The following HSP90B1 variants were observed in gnomAD, a reference collection of about 807,000 sequenced individuals.
The protein encoded by HSP90B1 is heat shock protein 90 beta family member 1.
HSP90B1 carries 27 observed loss-of-function variants against 100.4 expected under a neutral mutation model. That is an observed-to-expected ratio of 0.27 (90% confidence interval 0.20 to 0.37). The LOEUF is 0.37. Among genes scored for constraint, HSP90B1 ranks in the 10% least tolerant of loss-of-function variants. The pLI is 1.00. For synonymous variants in HSP90B1, 304 were observed against 330.8 expected (o/e 0.92, Z 0.88); for missense variants, 678 against 960.5 (o/e 0.71, Z 3.89).
In HSP90B1 at chr12:103,947,620, T is replaced by A. The variant is rs1165695; in HGVS notation, c.2383-13T>A. 0.33 allele frequency: 523,169 copies of A among 1,568,270 alleles called. 92,578 individuals are homozygous for A. The highest frequency in any genetic ancestry group is 0.6 in the African/African-American group (43,449 of 72,534). On this transcript the variant is annotated splice_polypyrimidine_tract_variant and intron_variant, in intron 17 of 17. Transcript: ENST00000299767. Reference sequence around the variant, plus strand: ...CTTTTAATACCTTCTGGGTTTTTTTTATTTATTTACAGGAATCTACAGCTG... The same window carrying A: ...CTTTTAATACCTTCTGGGTTTTTTTAATTTATTTACAGGAATCTACAGCTG...
intron 2 of HSP90B1, chr12:103,931,969 G>T: frequency 2.2e-6 from 1 of 450,270 alleles, no homozygotes. Flanking sequence ...TTGGCCTCTT[G>T]GGACTTATTG....
At chr12:103,931,709 A>G (rs867868686) in intron 2 of HSP90B1, 86 bp downstream of exon 2, 2 of 958,320 alleles carry the variant, frequency 2.1e-6, no homozygotes, top group South Asian at 1.4e-5. Flanking sequence ...TCTTCTCCAA[A>G]GGTCCAGATA....
rs750306832 is a variant in HSP90B1, at chr12:103,941,570, C to A, written c.1230+23C>A. On this transcript the variant is annotated intron_variant, in intron 9 of 17. Transcript: ENST00000299767. ...AAGGTGAGTTTTTAAGTAGTACATG[C>A]TGCGTTTAAAATTTGAAAGTTTAAT... is the stretch of plus-strand genomic sequence containing the variant. 1.9e-6 allele frequency: 3 copies of A among 1,613,874 alleles called. No homozygotes were observed. In the South Asian group the frequency reaches 3.3e-5, roughly 18 times the overall value.
intron 14 of HSP90B1, among the ~76,000 whole-genome samples, chr12:103,946,330 C>T (rs180754086): frequency 1.1e-4 from 17 of 152,162 alleles, no homozygotes; most frequent in Admixed American, 1.1e-3. Context: ...CTGTGGAACC[C>T]GTGTATATGA....
chr12:103,937,056 C>G (rs1253298477), intron 5 of HSP90B1, among the ~76,000 whole-genome samples: 1 of 152,148 alleles, frequency 6.6e-6, no homozygotes, highest in Non-Finnish European at 1.5e-5. Context: ...ACCTGTAATC[C>G]CCGCACTGCC....
At chr12:103,945,854 T>C (rs1566168411) in intron 14 of HSP90B1, among the ~76,000 whole-genome samples, 2 of 151,932 alleles carry the variant, frequency 1.3e-5, no homozygotes, top group Non-Finnish European at 2.9e-5. Flanking sequence ...GAGGCTGAGG[T>C]GAGAGGATCA....
chr12:103,937,130 C>T (rs1869942896), intron 5 of HSP90B1, among the ~76,000 whole-genome samples: 1 of 152,176 alleles, frequency 6.6e-6, no homozygotes, highest in African/African-American at 2.4e-5. Flanking sequence ...TGGCGATCAC[C>T]AGCCACATGT....
chr12:103,947,023 G>A, intron 16 of HSP90B1, 82 bp downstream of exon 16: 1 of 1,432,486 alleles, frequency 7.0e-7, no homozygotes, highest in East Asian at 2.3e-5. Context: ...CATGATTGAG[G>A]GATGTAGCTT....
intron 8 of HSP90B1, among the ~76,000 whole-genome samples, chr12:103,939,899 AC>A (rs1427863200): frequency 6.6e-6 from 1 of 152,214 alleles, no homozygotes. Flanking sequence ...TCCAGAACAC[AC>A]CATTTTTACT....
Position 103,931,532 on chromosome 12 carries a change from G to A in HSP90B1, c.61G>A (p.Ala21Thr), listed in dbSNP as rs747864450. 4.3e-6 allele frequency: 7 copies of A among 1,613,200 alleles called. No homozygotes were observed. Among genetic ancestry groups the A allele is most frequent in the Non-Finnish European group, 8.5e-7 (1 of 1,179,384 alleles). Residue 21 changes from alanine (A) to threonine (T), a missense_variant, in exon 2 of 18, where the codon GCT (alanine) becomes ACT (threonine). Transcript: ENST00000299767. Reference sequence around the variant, plus strand: ...TGTTAAATCTTCAGGGTCGGTCAGAGCTGACGATGAAGTTGATGTGGATGG... The same window carrying A: ...TGTTAAATCTTCAGGGTCGGTCAGAACTGACGATGAAGTTGATGTGGATGG... ...CVLLTFGSVR[A>T]DDEVDVDGTV...
chr12:103,943,587 C>G lies in HSP90B1; in HGVS notation c.1891-151C>G, dbSNP rs1234049480. 6.1e-6 allele frequency: 5 copies of G among 815,114 alleles called. No homozygotes were observed. The highest frequency in any genetic ancestry group is 9.3e-6 in the Non-Finnish European group (5 of 539,960). The allele number at this position is 815,114 out of a possible 1,614,324, so 50.5% of individuals were successfully genotyped here. ...TCAGATTATCAAGTAAGTGCCCCTA[C>G]AAATTCTCCTAAACCTTAAGAAAAG... On this transcript the variant is annotated intron_variant, in intron 13 of 17. Coordinates refer to ENST00000299767, the MANE Select transcript of HSP90B1 (RefSeq NM_003299.3). This position sits in a 1 kb window ranked among gnomAD's most constrained non-coding sequence, Gnocchi z 5.3.
In HSP90B1 at chr12:103,947,409, T is replaced by TGAA. The variant is rs5800607; in HGVS notation, c.2371_2373dup (p.Glu791dup). The TGAA allele has an allele frequency of 6.2e-7, 1 of 1,613,584 alleles. No homozygotes were observed. Among genetic ancestry groups the TGAA allele is most frequent in the Non-Finnish European group, 8.5e-7 (1 of 1,179,650 alleles). The stretch of plus-strand genomic sequence containing the variant: ...ATGAAGAAATGGATGTGGGAACAGA[T>TGAA]GAAGAAGAAGAAACAGCAAAGGTAT... On this transcript the variant is annotated inframe_insertion, in exon 17 of 18. Transcript: ENST00000299767.
chr12:103,933,995 G>A lies in HSP90B1; in HGVS notation c.451G>A (p.Gly151Ser). 1.2e-6 allele frequency: 2 copies of A among 1,614,106 alleles called. No individual in the cohort carries two copies. The highest frequency in any genetic ancestry group is 1.7e-6 in the Non-Finnish European group (2 of 1,179,958). The change falls in exon 5 of 18, where the codon GGT becomes AGT. Residue 151 changes from glycine to serine, a missense_variant. Transcript: ENST00000299767. Reference sequence around the variant, plus strand: ...GAACCTGCTGCATGTCACAGACACCGGTGTAGGAATGACCAGAGAAGAGTT... The same window carrying A: ...GAACCTGCTGCATGTCACAGACACCAGTGTAGGAATGACCAGAGAAGAGTT... ...EKNLLHVTDTGVGMTREELVK... is the reference protein window; with the variant it reads ...EKNLLHVTDTSVGMTREELVK...
intron 8 of HSP90B1, among the ~76,000 whole-genome samples, 148 bp from the exon 9 acceptor site, chr12:103,941,257 CCTTTT>C (rs1870067926): frequency 1.3e-5 from 2 of 152,122 alleles, no homozygotes; most frequent in Admixed American, 6.5e-5. Flanking sequence ...TTCCCCCCAC[CCTTTT>C]CTTTCTCTTC....
intron 2 of HSP90B1, chr12:103,932,048 G>A: frequency 2.1e-6 from 1 of 473,264 alleles, no homozygotes; most frequent in South Asian, 2.7e-5. Flanking sequence ...GGAAAGTTGG[G>A]ATTTTTTTTT....
At chr12:103,946,067 C>T (rs1336129427) in intron 14 of HSP90B1, among the ~76,000 whole-genome samples, 2 of 152,160 alleles carry the variant, frequency 1.3e-5, no homozygotes, top group African/African-American at 4.8e-5. Context: ...TGCACATCTT[C>T]CCATGTACTT....
chr12:103,939,342 G>A (rs1593489985), intron 7 of HSP90B1, among the ~76,000 whole-genome samples, 167 bp from the exon 8 acceptor site: 1 of 145,392 alleles, frequency 6.9e-6, no homozygotes, highest in African/African-American at 2.7e-5. Context: ...GGCTCAAACA[G>A]TTCTCCTACC....
intron 12 of HSP90B1, 120 bp from the exon 13 acceptor site, chr12:103,942,954 C>T (rs1354803201): frequency 7.6e-6 from 11 of 1,442,306 alleles, no homozygotes; most frequent in East Asian, 2.3e-5. Flanking sequence ...ATTCTCTGAA[C>T]CTCTTAATTC....
chr12:103,938,634 A>G, intron 7 of HSP90B1, 175 bp downstream of exon 7: 1 of 543,702 alleles, frequency 1.8e-6, no homozygotes, highest in Non-Finnish European at 3.1e-6. Context: ...TGTCCTGTAG[A>G]AAGTTTTAAG....
Sources: gnomAD v4.1 joint callset for allele counts (sites outside exome capture counted in the v4.1 genomes callset) on GRCh38, gnomAD v4.1.1 for gene constraint, Gnocchi (gnomAD v3.1) non-coding constraint, MANE v1.5 for transcripts, NCBI Gene and HGNC (gene_info 2026-07-23, HGNC 2026-07-21) for gene names.